The following SDHB variants were observed in gnomAD, a reference collection of about 807,000 sequenced individuals.
SDHB encodes the protein succinate dehydrogenase complex iron sulfur subunit B.
Under a neutral mutation model 39.7 loss-of-function variants are expected in SDHB, and 21 were observed. That is an observed-to-expected ratio of 0.53 (90% CI 0.37 to 0.76). SDHB has a LOEUF of 0.76. SDHB is among the 30% of genes least tolerant of loss of function. SDHB has a pLI of 0.00. For synonymous variants in SDHB, 118 were observed against 117.0 expected (o/e 1.01, Z -0.06); for missense variants, 343 against 350.9 (o/e 0.98, Z 0.18).
At chr1:17,050,234 C>A (rs1172448454) in intron 1 of SDHB, among the ~76,000 whole-genome samples, 1 of 151,820 alleles carries the variant, frequency 6.6e-6, no homozygotes, top group African/African-American at 2.4e-5. Context: ...AAGAGCAATG[C>A]CAGGATGTAC....
chr1:17,051,113 T>G (rs2078144585), intron 1 of SDHB, among the ~76,000 whole-genome samples: 2 of 152,176 alleles, frequency 1.3e-5, no homozygotes, highest in African/African-American at 4.8e-5. Context: ...CACAATGAGA[T>G]CCAAGGAACA....
chr1:17,047,142 G>A (rs2078114616), intron 1 of SDHB, among the ~76,000 whole-genome samples: 1 of 152,140 alleles, frequency 6.6e-6, no homozygotes, highest in Non-Finnish European at 1.5e-5. Flanking sequence ...AATCACTTGA[G>A]GTCAGGAGTT....
At chr1:17,047,429 CA>C (rs1372835087) in intron 1 of SDHB, among the ~76,000 whole-genome samples, 1 of 151,422 alleles carries the variant, frequency 6.6e-6, no homozygotes, top group Non-Finnish European at 1.5e-5. Context: ...GTAATCCCAG[CA>C]CTTTGGGAGG....
At chr1:17,040,896 G>A (rs1262050820) in intron 2 of SDHB, among the ~76,000 whole-genome samples, 2 of 152,164 alleles carry the variant, frequency 1.3e-5, no homozygotes, top group East Asian at 1.9e-4. Context: ...TTGGGAGGCC[G>A]AGGCGGGTGA....
intron 5 of SDHB, among the ~76,000 whole-genome samples, chr1:17,024,515 C>A (rs529502933): frequency 4.3e-4 from 66 of 152,198 alleles, no homozygotes; most frequent in Non-Finnish European, 7.6e-4. Flanking sequence ...GGAACATCAA[C>A]ATCATCCCCA....
intron 2 of SDHB, among the ~76,000 whole-genome samples, chr1:17,034,957 A>T (rs889005476): frequency 1.3e-5 from 2 of 152,168 alleles, no homozygotes; most frequent in African/African-American, 4.8e-5. Flanking sequence ...AGAGACGAAT[A>T]CCACCTGCCC....
chr1:17,052,072 C>T (rs1435021896), intron 1 of SDHB, among the ~76,000 whole-genome samples: 1 of 151,938 alleles, frequency 6.6e-6, no homozygotes, highest in African/African-American at 2.4e-5. Context: ...GTCTTGAACT[C>T]CTGACCTCAG....
At chr1:17,023,096 A>G in intron 6 of SDHB, 1 of 341,260 alleles carries the variant, frequency 2.9e-6, no homozygotes, top group Non-Finnish European at 5.8e-6. Context: ...GCACCTACCC[A>G]TGCTGGACTT....
chr1:17,029,427 C>T (rs2101524612), intron 3 of SDHB, among the ~76,000 whole-genome samples: 1 of 128,336 alleles, frequency 7.8e-6, no homozygotes. Context: ...ACCCGTCAAG[C>T]CTATTTTTTT....
intron 3 of SDHB, among the ~76,000 whole-genome samples, chr1:17,029,636 G>GACACAAT (rs1262563716): frequency 3.9e-5 from 6 of 152,142 alleles, no homozygotes; most frequent in Non-Finnish European, 8.8e-5. Flanking sequence ...AAATCTAACA[G>GACACAAT]ACACAATACC....
intron 1 of SDHB, among the ~76,000 whole-genome samples, chr1:17,053,254 C>T (rs924617402): frequency 1.3e-5 from 2 of 152,192 alleles, no homozygotes; most frequent in Admixed American, 1.3e-4. Flanking sequence ...GCCAAGCCCT[C>T]TACCTGTCAT....
chr1:17,030,460 G>A (rs1206002584), intron 3 of SDHB, among the ~76,000 whole-genome samples: 5 of 152,116 alleles, frequency 3.3e-5, no homozygotes, highest in Non-Finnish European at 1.5e-5. Flanking sequence ...ATATGAAACT[G>A]AGGCAAAGCA....
chr1:17,022,376 C>T (rs2077966682), intron 7 of SDHB, among the ~76,000 whole-genome samples: 1 of 152,196 alleles, frequency 6.6e-6, no homozygotes. Flanking sequence ...CCCACAATGT[C>T]CCTGTGTAGC....
intron 2 of SDHB, among the ~76,000 whole-genome samples, chr1:17,036,595 C>A (rs1243003977): frequency 6.6e-6 from 1 of 151,106 alleles, no homozygotes; most frequent in African/African-American, 2.4e-5. Flanking sequence ...TAGGATTGTT[C>A]ATTGCTAGTG....
At chr1:17,049,268 G>T (rs1037383907) in intron 1 of SDHB, among the ~76,000 whole-genome samples, 1 of 152,080 alleles carries the variant, frequency 6.6e-6, no homozygotes, top group African/African-American at 2.4e-5. Context: ...TGGGATTACA[G>T]GTGTGAGCCA....
intron 4 of SDHB, 112 bp from the exon 5 acceptor site, chr1:17,027,977 C>T (rs1373325918): frequency 1.1e-5 from 8 of 713,734 alleles, no homozygotes; most frequent in Non-Finnish European, 1.8e-5. Context: ...CCACTCTATG[C>T]CAGGCAGAAG....
At chr1:17,042,964 T>TTTTG (rs2078089692) in intron 2 of SDHB, among the ~76,000 whole-genome samples, 1 of 122,544 alleles carries the variant, frequency 8.2e-6, no homozygotes, top group Admixed American at 8.5e-5. Flanking sequence ...GTTTTTTTTT[T>TTTTG]TTTTTTTTTT....
chr1:17,019,315 T>A (rs559180976), intron 7 of SDHB, among the ~76,000 whole-genome samples: 5 of 152,276 alleles, frequency 3.3e-5, no homozygotes, highest in African/African-American at 1.2e-4. Flanking sequence ...CAGCCAGACA[T>A]CTCTAAATCT....
rs1467687958 is a variant in SDHB, at chr1:17,029,091, C to CTTTT, written c.287-356_287-355insAAAA. Reference sequence around the variant, plus strand: ...TCACGTGTTTTGAAGAAAAATCAGCCTGTTTTTTTTTTTTTTTTTTTTTTT... The same window carrying CTTTT: ...TCACGTGTTTTGAAGAAAAATCAGCCTTTTTGTTTTTTTTTTTTTTTTTTTTTTT... On this transcript the variant is annotated intron_variant, in intron 3 of 7. Transcript: ENST00000375499. 5.5e-4 allele frequency among the ~76,000 whole-genome samples: 41 copies of CTTTT among 74,782 alleles called. No individual in the cohort carries two copies. In the East Asian group the frequency reaches 0.034, roughly 62 times the overall value. The allele number at this position is 74,782 out of a possible 152,430, so 49.1% of individuals were successfully genotyped here.
Sources: gnomAD v4.1 joint callset for allele counts (sites outside exome capture counted in the v4.1 genomes callset) on GRCh38, gnomAD v4.1.1 for gene constraint, MANE v1.5 for transcripts, NCBI Gene and HGNC (gene_info 2026-07-23, HGNC 2026-07-21) for gene names.